The following NFIB variants were observed in gnomAD, a reference collection of about 807,000 sequenced individuals.
NFIB encodes nuclear factor 1 B-type.
NFIB carries 11 observed loss-of-function variants against 61.5 expected under a neutral mutation model. The observed-to-expected ratio is 0.18, with a 90% CI of 0.11 to 0.30. The LOEUF (loss-of-function observed/expected upper bound fraction) is 0.30, where lower values mean the gene tolerates loss of function less well. Among genes scored for constraint, NFIB ranks in the 10% least tolerant of loss-of-function variants. The pLI is 1.00. For synonymous variants in NFIB, 260 were observed against 216.5 expected, an observed-to-expected ratio of 1.20 and a Z score of -1.76; for missense variants, 471 against 608.9, an observed-to-expected ratio of 0.77 and a Z score of 2.38.
At chr9:14,190,946 A>C (rs1402363669) in intron 2 of NFIB, among the ~76,000 whole-genome samples, 2 of 152,168 alleles carry the variant, frequency 1.3e-5, no homozygotes, top group African/African-American at 2.4e-5. Flanking sequence ...TAATCCCAAC[A>C]CTATGGGAGG....
chr9:14,508,249 T>C, the NFIB span, among the ~76,000 whole-genome samples: 2 of 152,148 alleles, frequency 1.3e-5, no homozygotes, highest in African/African-American at 4.8e-5. Context: ...GTATGTGTGA[T>C]GTTTATGTAG....
the NFIB span, among the ~76,000 whole-genome samples, chr9:14,433,322 T>C: frequency 6.6e-6 from 1 of 152,358 alleles, no homozygotes; most frequent in African/African-American, 2.4e-5. Context: ...CCCCATTGTC[T>C]ACTTATAATA....
chr9:14,374,680 C>A lies in NFIB; in HGVS notation c.108+23844G>T, dbSNP rs151154084. On this transcript the variant is annotated intron_variant, in intron 1 of 8. Transcript: ENST00000380934. ...GTCCCAGCACTTTGTGAGGCTGAAGCGGGTGGATCACTTGCGGTCGGGAGT... is the reference window on the plus strand; with the variant it reads ...GTCCCAGCACTTTGTGAGGCTGAAGAGGGTGGATCACTTGCGGTCGGGAGT... Among the ~76,000 whole-genome samples, 228 of 152,222 alleles carry A rather than the reference C, an allele frequency of 1.5e-3. 2 individuals carry two copies. The highest frequency in any genetic ancestry group is 2.7e-3 in the Admixed American group (41 of 15,288).
chr9:14,194,870 G>A (rs2048312535), intron 2 of NFIB, among the ~76,000 whole-genome samples: 1 of 152,082 alleles, frequency 6.6e-6, no homozygotes, highest in Non-Finnish European at 1.5e-5. Context: ...ACAGAAGATA[G>A]AACAAAATAA....
At chr9:14,137,074 T>C (rs1014133844) in intron 6 of NFIB, among the ~76,000 whole-genome samples, 1 of 152,148 alleles carries the variant, frequency 6.6e-6, no homozygotes, top group Admixed American at 6.5e-5. Context: ...AATGGACCAA[T>C]TACATTTGTG....
At chr9:14,386,072 C>G (rs1232287899) in intron 1 of NFIB, among the ~76,000 whole-genome samples, 1 of 152,182 alleles carries the variant, frequency 6.6e-6, no homozygotes, top group South Asian at 2.1e-4. Context: ...CATGAGCCAC[C>G]ACACTCGGTG....
the NFIB span, among the ~76,000 whole-genome samples, chr9:14,516,017 G>C: frequency 6.6e-6 from 1 of 152,356 alleles, no homozygotes; most frequent in South Asian, 2.1e-4. Context: ...TCTGTCAGAG[G>C]GAGAAGCCAA....
the NFIB span, among the ~76,000 whole-genome samples, chr9:14,518,353 C>T: frequency 6.6e-6 from 1 of 152,152 alleles, no homozygotes; most frequent in African/African-American, 2.4e-5. Flanking sequence ...GAGAACTGAG[C>T]TTCTTTTCCT....
the NFIB span, among the ~76,000 whole-genome samples, chr9:14,528,881 T>C: frequency 6.6e-6 from 1 of 152,166 alleles, no homozygotes; most frequent in Non-Finnish European, 1.5e-5. Context: ...GTTTAGGAGA[T>C]ATGTCTTTAA....
chr9:14,134,420 C>T (rs1335521648), intron 6 of NFIB, among the ~76,000 whole-genome samples: 2 of 152,062 alleles, frequency 1.3e-5, no homozygotes, highest in African/African-American at 2.4e-5. Context: ...GGACTTGGGA[C>T]AGTGAAAAGA....
intron 10 of NFIB, among the ~76,000 whole-genome samples, chr9:14,089,655 G>T (rs73409926): frequency 0.083 from 12,583 of 152,050 alleles, 1,738 homozygotes; most frequent in African/African-American, 0.28. Context: ...ATACTTTCGA[G>T]GTTTTAAATT....
intron 2 of NFIB, among the ~76,000 whole-genome samples, chr9:14,248,976 T>A (rs2055265191): frequency 6.6e-6 from 1 of 152,212 alleles, no homozygotes; most frequent in African/African-American, 2.4e-5. Context: ...TACCTGCAGA[T>A]AAACTGGACT....
chr9:14,191,477 T>C (rs945185107), intron 2 of NFIB, among the ~76,000 whole-genome samples: 1 of 152,200 alleles, frequency 6.6e-6, no homozygotes, highest in Admixed American at 6.5e-5. Flanking sequence ...TCACTTGCTA[T>C]ATCCATTTTA....
intron 6 of NFIB, among the ~76,000 whole-genome samples, chr9:14,135,194 C>T (rs2040900954): frequency 1.3e-5 from 2 of 152,040 alleles, no homozygotes; most frequent in South Asian, 4.1e-4. Flanking sequence ...ATAACTATTA[C>T]TTTTACTGTA....
the NFIB span, among the ~76,000 whole-genome samples, chr9:14,434,619 G>C: frequency 1.3e-5 from 2 of 152,262 alleles, no homozygotes; most frequent in East Asian, 3.9e-4. Flanking sequence ...AATAGCTATA[G>C]GCCTTAAAGC....
At chr9:14,174,984 C>G (rs2045999266) in intron 3 of NFIB, among the ~76,000 whole-genome samples, 1 of 151,848 alleles carries the variant, frequency 6.6e-6, no homozygotes, top group Admixed American at 6.6e-5. Context: ...AATATCGGCT[C>G]TAGTGATCTC....
intron 6 of NFIB, among the ~76,000 whole-genome samples, chr9:14,139,426 T>G (rs983775799): frequency 2.0e-5 from 3 of 152,204 alleles, no homozygotes; most frequent in African/African-American, 7.2e-5. Context: ...AATAAAACCT[T>G]TTCTTATGCA....
At chr9:14,458,144 C>T in the NFIB span, among the ~76,000 whole-genome samples, 1 of 152,174 alleles carries the variant, frequency 6.6e-6, no homozygotes, top group Non-Finnish European at 1.5e-5. Flanking sequence ...CCAAATCCAG[C>T]AGCACATCAA....
At chr9:14,091,896 G>GT (rs1345220805) in intron 10 of NFIB, among the ~76,000 whole-genome samples, 1 of 152,012 alleles carries the variant, frequency 6.6e-6, no homozygotes, top group Non-Finnish European at 1.5e-5. Flanking sequence ...TAATGAGATA[G>GT]TTCATTATAA....
Sources: gnomAD v4.1 joint callset for allele counts (sites outside exome capture counted in the v4.1 genomes callset) on GRCh38, gnomAD v4.1.1 for gene constraint, MANE v1.5 for transcripts, NCBI Gene and HGNC (gene_info 2026-07-23, HGNC 2026-07-21) for gene names.